The following PRKAR1B variants were observed in gnomAD, a reference collection of about 807,000 sequenced individuals.
PRKAR1B encodes cAMP-dependent protein kinase type I-beta regulatory subunit.
In PRKAR1B, 22 loss-of-function variants were observed where a neutral mutation model predicts 46.5. That is an observed-to-expected ratio of 0.47 (90% CI 0.34 to 0.68). PRKAR1B has a LOEUF of 0.68. Among genes scored for constraint, PRKAR1B ranks in the 30% least tolerant of loss-of-function variants. PRKAR1B has a pLI of 0.01. For synonymous variants in PRKAR1B, 259 were observed against 217.7 expected, an observed-to-expected ratio of 1.19 and a Z score of -1.67; for missense variants, 445 against 535.6, an observed-to-expected ratio of 0.83 and a Z score of 1.67.
At chr7:576,900 GCT>G (rs1779866101) in intron 9 of PRKAR1B, among the ~76,000 whole-genome samples, 1 of 152,078 alleles carries the variant, frequency 6.6e-6, no homozygotes, top group South Asian at 2.1e-4. Flanking sequence ...CTTCCCGCAG[GCT>G]CTTACTCCAG....
At chr7:645,943 G>T (rs1345770369) in intron 4 of PRKAR1B, among the ~76,000 whole-genome samples, 1 of 152,230 alleles carries the variant, frequency 6.6e-6, no homozygotes, top group Non-Finnish European at 1.5e-5. Context: ...GGAAAGGGCA[G>T]GAGCTGACAG....
chr7:555,362 C>T (rs1204646837), intron 9 of PRKAR1B, among the ~76,000 whole-genome samples: 1 of 152,192 alleles, frequency 6.6e-6, no homozygotes, highest in African/African-American at 2.4e-5. Context: ...AGCACACTGG[C>T]CGTGCTCGGT....
intron 1 of PRKAR1B, among the ~76,000 whole-genome samples, chr7:721,297 T>G (rs936895561): frequency 6.6e-6 from 1 of 152,208 alleles, no homozygotes; most frequent in Non-Finnish European, 1.5e-5. Context: ...TTGACTTCTA[T>G]TTTTATCCAG....
At chr7:689,120 A>G (rs1779268418) in intron 2 of PRKAR1B, among the ~76,000 whole-genome samples, 1 of 151,896 alleles carries the variant, frequency 6.6e-6, no homozygotes, top group Non-Finnish European at 1.5e-5. Flanking sequence ...AAGAAAAAAA[A>G]ATTTTTTTTT....
intron 4 of PRKAR1B, among the ~76,000 whole-genome samples, chr7:635,855 C>T (rs78749041): frequency 0.03 from 4,496 of 151,500 alleles, 78 homozygotes; most frequent in African/African-American, 0.044. Flanking sequence ...GCCACTTAAT[C>T]GCCAGGCCTC....
intron 2 of PRKAR1B, among the ~76,000 whole-genome samples, chr7:686,270 C>T (rs1394883840): frequency 6.6e-6 from 1 of 151,358 alleles, no homozygotes; most frequent in Non-Finnish European, 1.5e-5. Flanking sequence ...CACTGCACTC[C>T]AGCCTGGGCG....
At chr7:630,812 C>G (rs908624019) in intron 4 of PRKAR1B, among the ~76,000 whole-genome samples, 4 of 152,176 alleles carry the variant, frequency 2.6e-5, no homozygotes, top group African/African-American at 9.7e-5. Context: ...GCACACCCCC[C>G]CCACCATCTC....
At chr7:576,864 T>C (rs1422414190) in intron 9 of PRKAR1B, among the ~76,000 whole-genome samples, 1 of 152,156 alleles carries the variant, frequency 6.6e-6, no homozygotes, top group Non-Finnish European at 1.5e-5. Flanking sequence ...GGCCCGAGCC[T>C]GGGTCTCCAG....
chr7:640,735 C>T lies in PRKAR1B; in HGVS notation c.441-33283G>A, dbSNP rs886643559. On this transcript the variant is annotated intron_variant, in intron 4 of 10. Coordinates refer to ENST00000537384, the MANE Select transcript of PRKAR1B (RefSeq NM_001164760.2). ...CAGAGATCCCACCATTGCACTCCAG[C>T]CTGGGCAACAAGAGCAAAACTCTGT... 1.0e-4 allele frequency among the ~76,000 whole-genome samples: 15 copies of T among 149,710 alleles called. No individual in the cohort carries two copies. The South Asian group carries it at 1.5e-3, about 15-fold the overall frequency.
intron 8 of PRKAR1B, among the ~76,000 whole-genome samples, chr7:581,422 G>T (rs1246408130): frequency 6.6e-6 from 1 of 152,106 alleles, no homozygotes; most frequent in South Asian, 2.1e-4. Flanking sequence ...AAATGATGCA[G>T]GTGATTTTTT....
At chr7:715,523 G>T (rs1029617908) in intron 1 of PRKAR1B, among the ~76,000 whole-genome samples, 2 of 152,060 alleles carry the variant, frequency 1.3e-5, no homozygotes, top group Non-Finnish European at 2.9e-5. Context: ...CCATTCAGAA[G>T]TCCCAGTAAA....
intron 4 of PRKAR1B, among the ~76,000 whole-genome samples, chr7:672,796 G>C (rs1786339060): frequency 6.6e-6 from 1 of 151,900 alleles, no homozygotes; most frequent in Non-Finnish European, 1.5e-5. Context: ...TGAACCCGGA[G>C]GCGGACATTG....
intron 9 of PRKAR1B, among the ~76,000 whole-genome samples, chr7:566,450 TC>T (rs1423972678): frequency 2.0e-5 from 3 of 151,040 alleles, no homozygotes; most frequent in African/African-American, 7.3e-5. Context: ...ACCACAACCA[TC>T]ATCACCATCT....
chr7:670,139 ATT>A (rs1786152946), intron 4 of PRKAR1B, among the ~76,000 whole-genome samples: 1 of 152,102 alleles, frequency 6.6e-6, no homozygotes, highest in Non-Finnish European at 1.5e-5. Flanking sequence ...AAGTGCTGGA[ATT>A]ATGGACGTGA....
chr7:550,360 G>C lies in PRKAR1B; in HGVS notation c.*70C>G, dbSNP rs1312026576. 6.9e-7 allele frequency: 1 copy of C among 1,459,398 alleles called. No homozygotes were observed. The highest frequency in any genetic ancestry group is 9.4e-7 in the Non-Finnish European group (1 of 1,068,272). The allele number at this position is 1,459,398 out of a possible 1,614,324, so 90.4% of individuals were successfully genotyped here. A position where few individuals can be genotyped will look rare whatever the true frequency, so the allele number is the denominator to read the frequency against. On this transcript the variant is annotated 3_prime_UTR_variant, in exon 11 of 11. Coordinates refer to ENST00000537384, the MANE Select transcript of PRKAR1B (RefSeq NM_001164760.2). ...CCACACCTCACACAGCGGCTCCCGGGCCCCCGACACAGACGAGCAGGGCAC... is the reference window on the plus strand; with the variant it reads ...CCACACCTCACACAGCGGCTCCCGGCCCCCCGACACAGACGAGCAGGGCAC...
chr7:600,738 G>A (rs1250211886), intron 6 of PRKAR1B, among the ~76,000 whole-genome samples: 1 of 152,188 alleles, frequency 6.6e-6, no homozygotes. Context: ...GAGGGAGTCG[G>A]GATAACGGGC....
intron 2 of PRKAR1B, among the ~76,000 whole-genome samples, chr7:708,390 C>T (rs1233937254): frequency 6.6e-6 from 1 of 152,196 alleles, no homozygotes; most frequent in Non-Finnish European, 1.5e-5. Context: ...GTTCTAGAAT[C>T]TCTAAGGATA....
intron 1 of PRKAR1B, among the ~76,000 whole-genome samples, chr7:715,193 T>A (rs1457021471): frequency 6.6e-6 from 1 of 152,104 alleles, no homozygotes; most frequent in Admixed American, 6.6e-5. Context: ...AAATAAATAA[T>A]AAATAAATAC....
At position 712,329 on chromosome 7, in the gene PRKAR1B, G is replaced by A. The variant is rs1468538872; in HGVS notation, c.-22-802C>T. On this transcript the variant is annotated intron_variant, in intron 1 of 10. Coordinates refer to ENST00000537384, the MANE Select transcript of PRKAR1B (RefSeq NM_001164760.2). ...CCCCGCGCGCCCCACTCCCGGCGGG[G>A]CCGAACCCTTCCAAATGTCCGCATC... The A allele has an allele frequency of 2.0e-5, 3 of 147,468 alleles. No homozygotes were observed. The East Asian group carries it at 6.3e-4, about 31-fold the overall frequency. The allele number at this position is 147,468 out of a possible 1,614,324, so 9.1% of individuals were successfully genotyped here.
Sources: gnomAD v4.1 joint callset for allele counts (sites outside exome capture counted in the v4.1 genomes callset) on GRCh38, gnomAD v4.1.1 for gene constraint, MANE v1.5 for transcripts, NCBI Gene and HGNC (gene_info 2026-07-23, HGNC 2026-07-21) for gene names.